MAGI2: variants seen among roughly 807,000 people sequenced by gnomAD.
The protein encoded by MAGI2 is membrane-associated guanylate kinase, WW and PDZ domain-containing protein 2.
A neutral mutation model predicts 133.3 loss-of-function variants in MAGI2; 35 were observed. The ratio of observed to expected loss-of-function variants is 0.26; its 90% confidence interval spans 0.20 to 0.35. The LOEUF is 0.35. MAGI2 is among the 10% of genes least tolerant of loss of function. The probability of loss-of-function intolerance (pLI) is 1.00; values close to 1 mark genes in which losing one functional copy is unlikely to be tolerated. For synonymous variants in MAGI2, 729 were observed against 710.6 expected, an observed-to-expected ratio of 1.03 and a Z score of -0.41; for missense variants, 1,636 against 1,863.4, an observed-to-expected ratio of 0.88 and a Z score of 2.25.
intron 1 of MAGI2, among the ~76,000 whole-genome samples, chr7:79,056,844 G>A (rs1053599828): frequency 6.6e-6 from 1 of 152,190 alleles, no homozygotes; most frequent in Non-Finnish European, 1.5e-5. Flanking sequence ...TCAAATCCAT[G>A]CTTCCCCTAG....
rs1242148618 is a variant in MAGI2 at position 78,076,852 on chromosome 7, C to CAAAA, written c.3706+2091_3706+2094dup. Among the ~76,000 whole-genome samples, 21 of 42,534 alleles carry CAAAA rather than the reference C, an allele frequency of 4.9e-4. 1 individual carries two copies. Among genetic ancestry groups the CAAAA allele is most frequent in the African/African-American group, 7.6e-4 (8 of 10,576 alleles). The allele number at this position is 42,534 out of a possible 152,430, so 27.9% of individuals were successfully genotyped here. A position where few individuals can be genotyped will look rare whatever the true frequency, so the allele number is the denominator to read the frequency against. On this transcript the variant is annotated intron_variant, in intron 21 of 21. Transcript: ENST00000354212. ...TGGGCGACAGAGCGAGACTCCGTCT[C>CAAAA]AAAAAAAAAAAAAAAAAAAAAAAAA...
At chr7:78,175,000 C>A (rs1008803912) in intron 14 of MAGI2, among the ~76,000 whole-genome samples, 3 of 152,158 alleles carry the variant, frequency 2.0e-5, no homozygotes, top group Non-Finnish European at 2.9e-5. Context: ...ACATTTGGAA[C>A]CCTTCCAGAC....
intron 4 of MAGI2, among the ~76,000 whole-genome samples, chr7:78,508,769 TA>T (rs1356748054): frequency 1.3e-5 from 2 of 152,234 alleles, no homozygotes; most frequent in Admixed American, 1.3e-4. Flanking sequence ...ATGCATGTTT[TA>T]CCTTTTTTAT....
chr7:79,372,996 G>A (rs1843148941), intron 1 of MAGI2, among the ~76,000 whole-genome samples: 1 of 151,986 alleles, frequency 6.6e-6, no homozygotes, highest in African/African-American at 2.4e-5. Context: ...GCTATCTACA[G>A]TTGCTATAAG....
chr7:78,765,639 G>A (rs914567376), intron 2 of MAGI2, among the ~76,000 whole-genome samples: 2 of 152,058 alleles, frequency 1.3e-5, no homozygotes, highest in African/African-American at 2.4e-5. Context: ...GAGCCATAAC[G>A]CCCGGCCCTA....
chr7:78,133,911 T>C (rs976074006), intron 17 of MAGI2, among the ~76,000 whole-genome samples: 1 of 151,356 alleles, frequency 6.6e-6, no homozygotes, highest in Non-Finnish European at 1.5e-5. Context: ...GAACTCTTCT[T>C]CCCCCCCCTT....
chr7:79,114,624 C>T (rs965875102), intron 1 of MAGI2, among the ~76,000 whole-genome samples: 1 of 152,156 alleles, frequency 6.6e-6, no homozygotes, highest in Non-Finnish European at 1.5e-5. Flanking sequence ...ATTCTGTAAG[C>T]ATGCTTGACT....
intron 1 of MAGI2, among the ~76,000 whole-genome samples, chr7:79,032,035 A>G (rs10233023): frequency 0.12 from 17,998 of 152,214 alleles, 1,513 homozygotes; most frequent in African/African-American, 0.24. Flanking sequence ...CCAACTTAAT[A>G]TATAATTTTA....
intron 7 of MAGI2, among the ~76,000 whole-genome samples, chr7:78,366,274 T>G (rs1793367805): frequency 6.6e-6 from 1 of 152,142 alleles, no homozygotes; most frequent in Admixed American, 6.5e-5. Context: ...ATTAATGCTA[T>G]CACTATAATT....
At chr7:78,185,713 G>A in intron 12 of MAGI2, 43 bp from the exon 13 acceptor site, 2 of 1,461,720 alleles carry the variant, frequency 1.4e-6, no homozygotes, top group Non-Finnish European at 9.5e-7. Context: ...TTCATTTATG[G>A]CATTTTAAAA....
At chr7:78,547,862 C>A (rs559287385) in intron 3 of MAGI2, among the ~76,000 whole-genome samples, 1 of 152,320 alleles carries the variant, frequency 6.6e-6, no homozygotes, top group Admixed American at 6.5e-5. Context: ...ATTGAGTGAA[C>A]TGATGTTATC....
At chr7:79,147,247 G>C (rs1197902245) in intron 1 of MAGI2, among the ~76,000 whole-genome samples, 2 of 152,192 alleles carry the variant, frequency 1.3e-5, no homozygotes, top group Non-Finnish European at 2.9e-5. Context: ...TTAAAAAAGA[G>C]CTTTTCCAGG....
intron 4 of MAGI2, among the ~76,000 whole-genome samples, chr7:78,508,787 G>A (rs189535504): frequency 6.6e-5 from 10 of 152,248 alleles, no homozygotes; most frequent in Non-Finnish European, 1.2e-4. Flanking sequence ...TTATAGTGGC[G>A]TGAAGCTATA....
chr7:78,092,557 C>A (rs989536190), intron 20 of MAGI2, among the ~76,000 whole-genome samples: 1 of 151,988 alleles, frequency 6.6e-6, no homozygotes, highest in East Asian at 1.9e-4. Context: ...TGTTTTCTGG[C>A]AATAATGAGG....
intron 1 of MAGI2, among the ~76,000 whole-genome samples, chr7:79,425,694 A>T (rs1847318466): frequency 6.6e-6 from 1 of 151,638 alleles, no homozygotes; most frequent in Non-Finnish European, 1.5e-5. Context: ...CTGAAAATTA[A>T]CCTGATAATA....
intron 2 of MAGI2, among the ~76,000 whole-genome samples, chr7:78,843,136 G>A (rs1229528599): frequency 1.3e-5 from 2 of 151,842 alleles, no homozygotes; most frequent in African/African-American, 2.4e-5. Context: ...ATTGAGCTAC[G>A]TCCCTGGCCT....
At chr7:78,784,029 T>G (rs1484678142) in intron 2 of MAGI2, among the ~76,000 whole-genome samples, 1 of 152,142 alleles carries the variant, frequency 6.6e-6, no homozygotes, top group Non-Finnish European at 1.5e-5. Context: ...TTTGGAATGG[T>G]CATACTAATT....
intron 3 of MAGI2, among the ~76,000 whole-genome samples, chr7:78,527,952 A>G (rs907392579): frequency 2.0e-5 from 3 of 151,984 alleles, no homozygotes; most frequent in African/African-American, 7.3e-5. Flanking sequence ...ACACAGATTA[A>G]GGTCATGACT....
chr7:78,573,319 TAA>T (rs1315878613), intron 3 of MAGI2, among the ~76,000 whole-genome samples: 19 of 67,538 alleles, frequency 2.8e-4, no homozygotes, highest in Middle Eastern at 5.1e-3. Flanking sequence ...TATAAATATA[TAA>T]ATATATATAT....
Sources: gnomAD v4.1 joint callset for allele counts (sites outside exome capture counted in the v4.1 genomes callset) on GRCh38, gnomAD v4.1.1 for gene constraint, MANE v1.5 for transcripts, NCBI Gene and HGNC (gene_info 2026-07-23, HGNC 2026-07-21) for gene names.